The following TDRP variants were observed in gnomAD, a reference collection of about 807,000 sequenced individuals.
The protein encoded by TDRP is testis development related protein.
TDRP carries 12 observed loss-of-function variants against 10.5 expected under a neutral mutation model. The ratio of observed to expected loss-of-function variants is 1.15; its 90% CI spans 0.73 to 1.86. The LOEUF (loss-of-function observed/expected upper bound fraction) is 1.86, where lower values mean the gene tolerates loss of function less well. TDRP is among the 40% of genes most tolerant of loss of function. The probability of loss-of-function intolerance (pLI) is 0.00; values close to 1 mark genes in which losing one functional copy is unlikely to be tolerated. For synonymous variants in TDRP, 139 were observed against 95.4 expected (o/e 1.46, Z -2.67); for missense variants, 353 against 229.2 (o/e 1.54, Z -3.49).
chr8:497,227 T>C (rs1470296893), intron 1 of TDRP, among the ~76,000 whole-genome samples: 1 of 152,220 alleles, frequency 6.6e-6, no homozygotes, highest in African/African-American at 2.4e-5. Context: ...TAGAGACTTG[T>C]TGAATGGTTC....
intron 1 of TDRP, among the ~76,000 whole-genome samples, chr8:511,941 G>A (rs1472723981): frequency 2.0e-5 from 3 of 152,030 alleles, no homozygotes; most frequent in South Asian, 2.1e-4. Context: ...ATTTATAGCT[G>A]TAAATGTCTA....
chr8:523,707 T>A (rs1419348046), intron 1 of TDRP, among the ~76,000 whole-genome samples: 1 of 152,134 alleles, frequency 6.6e-6, no homozygotes, highest in Non-Finnish European at 1.5e-5. Context: ...GAGAGGCTCC[T>A]CTGCTTGTGG....
At chr8:511,422 CAATT>C (rs1307690736) in intron 1 of TDRP, among the ~76,000 whole-genome samples, 5 of 151,908 alleles carry the variant, frequency 3.3e-5, no homozygotes, top group African/African-American at 1.2e-4. Context: ...GAAGATATAA[CAATT>C]AAAGACTTAC....
intron 1 of TDRP, among the ~76,000 whole-genome samples, chr8:529,838 C>G (rs2116850425): frequency 6.6e-6 from 1 of 152,256 alleles, no homozygotes; most frequent in East Asian, 1.9e-4. Context: ...TAAAATCTTT[C>G]TCAGTGTGGG....
intron 1 of TDRP, among the ~76,000 whole-genome samples, chr8:510,852 A>ATTTC (rs1189246312): frequency 6.6e-6 from 1 of 152,210 alleles, no homozygotes; most frequent in Non-Finnish European, 1.5e-5. Context: ...ATACATTCTT[A>ATTTC]TTTCTTCCCA....
chr8:544,578 G>A (rs947811875), intron 1 of TDRP, 72 bp downstream of exon 1: 3 of 1,066,356 alleles, frequency 2.8e-6, no homozygotes, highest in African/African-American at 1.6e-5. Context: ...CTCCACCTGC[G>A]CGCCGCCCAC....
chr8:528,190 A>ATG (rs1783088166), intron 1 of TDRP, among the ~76,000 whole-genome samples: 1 of 152,240 alleles, frequency 6.6e-6, no homozygotes, highest in Non-Finnish European at 1.5e-5. Flanking sequence ...AGAGGAATGC[A>ATG]AGTCAAAACT....
At chr8:500,107 T>A (rs1026953215) in intron 1 of TDRP, among the ~76,000 whole-genome samples, 2 of 152,182 alleles carry the variant, frequency 1.3e-5, no homozygotes, top group Non-Finnish European at 2.9e-5. Context: ...CGTAAAACGC[T>A]GGTAATGACC....
In TDRP at chr8:524,870, G is replaced by A. The variant is rs1196558227; in HGVS notation, c.108+19780C>T. On this transcript the variant is annotated intron_variant, in intron 1 of 2. Transcript: ENST00000324079. The stretch of plus-strand genomic sequence containing the variant: ...TTATTGGCCTTAAACAAGAAGTAGA[G>A]AACGAGAGAGAAGGGTAGAAAGTTT... Among the ~76,000 whole-genome samples the A allele has an allele frequency of 3.9e-5, 6 of 152,124 alleles. 1 individual carries two copies. In the South Asian group the frequency reaches 1.2e-3, roughly 31 times the overall value.
chr8:501,134 A>G (rs7813442), intron 1 of TDRP, among the ~76,000 whole-genome samples: 38,313 of 151,210 alleles, frequency 0.25, 4,800 homozygotes, highest in East Asian at 0.26. Context: ...GAACCCGAGG[A>G]GGTGGAGCTT....
intron 1 of TDRP, among the ~76,000 whole-genome samples, chr8:510,147 A>T (rs1265381261): frequency 6.6e-6 from 1 of 152,204 alleles, no homozygotes; most frequent in Admixed American, 6.5e-5. Context: ...TTCAGCATCC[A>T]GAGTTGTGAC....
intron 1 of TDRP, among the ~76,000 whole-genome samples, chr8:497,636 C>A (rs1228143872): frequency 6.6e-6 from 1 of 152,156 alleles, no homozygotes; most frequent in Non-Finnish European, 1.5e-5. Flanking sequence ...ATTCAAGCTG[C>A]CAGCTGCAAA....
At chr8:502,384 T>C (rs535436716) in intron 1 of TDRP, among the ~76,000 whole-genome samples, 2 of 152,302 alleles carry the variant, frequency 1.3e-5, no homozygotes, top group South Asian at 4.1e-4. Flanking sequence ...GCAGCCGTGT[T>C]CACCAAATTG....
intron 1 of TDRP, among the ~76,000 whole-genome samples, chr8:525,292 G>C (rs1003261090): frequency 3.3e-5 from 5 of 152,036 alleles, no homozygotes; most frequent in Admixed American, 6.6e-5. Flanking sequence ...CACCAGATCT[G>C]TCCTACAAGA....
chr8:496,850 A>G (rs572264166), intron 1 of TDRP, among the ~76,000 whole-genome samples: 45 of 152,164 alleles, frequency 3.0e-4, no homozygotes, highest in Admixed American at 5.2e-4. Context: ...TGATCATTTA[A>G]AAGTGTGTGG....
intron 1 of TDRP, among the ~76,000 whole-genome samples, chr8:523,475 G>T (rs1445879965): frequency 1.3e-5 from 2 of 152,240 alleles, no homozygotes; most frequent in South Asian, 2.1e-4. Flanking sequence ...CCACAGTAGG[G>T]TATAGCAGCA....
chr8:508,266 T>G (rs139030370), intron 1 of TDRP, among the ~76,000 whole-genome samples: 109 of 152,276 alleles, frequency 7.2e-4, no homozygotes, highest in African/African-American at 2.5e-3. Flanking sequence ...ACATTTTAAT[T>G]TAGAGAAGAA....
intron 2 of TDRP, 117 bp from the exon 3 acceptor site, chr8:492,861 C>T: frequency 2.5e-6 from 2 of 786,208 alleles, no homozygotes; most frequent in South Asian, 5.0e-5. Flanking sequence ...AAAACTAACA[C>T]AAGTCTATAT....
intron 1 of TDRP, among the ~76,000 whole-genome samples, chr8:504,762 G>C (rs1282840015): frequency 1.3e-5 from 2 of 152,132 alleles, no homozygotes; most frequent in East Asian, 1.9e-4. Context: ...AGTTAAGTTT[G>C]AACACACCAG....
Sources: allele counts gnomAD v4.1 joint callset (sites outside exome capture counted in the v4.1 genomes callset), GRCh38; gene constraint gnomAD v4.1.1; transcripts MANE v1.5; gene names NCBI Gene and HGNC (gene_info 2026-07-23, HGNC 2026-07-21).